SLC39A10: variants seen among roughly 807,000 people sequenced by gnomAD.
SLC39A10 encodes the protein zinc transporter ZIP10.
SLC39A10 carries 13 observed loss-of-function variants against 65.1 expected under a neutral mutation model. The observed-to-expected ratio is 0.20, with a 90% CI of 0.13 to 0.32. The LOEUF is 0.32. Among genes scored for constraint, SLC39A10 ranks in the 10% least tolerant of loss-of-function variants. SLC39A10 has a pLI of 1.00. For synonymous variants in SLC39A10, 321 were observed against 342.2 expected, an observed-to-expected ratio of 0.94 and a Z score of 0.68; for missense variants, 831 against 1,018.4, an observed-to-expected ratio of 0.82 and a Z score of 2.50.
At chr2:195,726,214 C>G (rs1181969976) in intron 8 of SLC39A10, among the ~76,000 whole-genome samples, 1 of 152,088 alleles carries the variant, frequency 6.6e-6, no homozygotes, top group Non-Finnish European at 1.5e-5. Flanking sequence ...GTATTTTGTA[C>G]CCATGACACC....
upstream of SLC39A10, among the ~76,000 whole-genome samples, chr2:195,656,101 T>C (rs1252009212): frequency 6.6e-6 from 1 of 152,172 alleles, no homozygotes. Context: ...CTGCGATTAC[T>C]GCTGTTCATG....
chr2:195,732,872 AG>A (rs1246794087), intron 9 of SLC39A10, among the ~76,000 whole-genome samples: 1 of 152,092 alleles, frequency 6.6e-6, no homozygotes, highest in Non-Finnish European at 1.5e-5. Flanking sequence ...GTAAATGAAT[AG>A]GCATGGCCAG....
At chr2:195,648,216 T>A (rs1688963643) in intron 2 of SLC39A10, among the ~76,000 whole-genome samples, 3 of 149,758 alleles carry the variant, frequency 2.0e-5, no homozygotes, top group Admixed American at 2.0e-4. Context: ...CAGACTGGTC[T>A]TGAACTCCTG....
chr2:195,655,634 C>T (rs1002553881), upstream of SLC39A10, among the ~76,000 whole-genome samples: 1 of 152,158 alleles, frequency 6.6e-6, no homozygotes, highest in Non-Finnish European at 1.5e-5. Flanking sequence ...AATCTGAGGA[C>T]CACAGCTATT....
At chr2:195,671,042 A>C (rs1467122389) in intron 1 of SLC39A10, among the ~76,000 whole-genome samples, 1 of 152,184 alleles carries the variant, frequency 6.6e-6, no homozygotes, top group Non-Finnish European at 1.5e-5. Flanking sequence ...AGGAAATAGG[A>C]CATTAATAGG....
intron 1 of SLC39A10, among the ~76,000 whole-genome samples, chr2:195,662,345 T>A (rs1398085591): frequency 6.6e-6 from 1 of 151,670 alleles, no homozygotes; most frequent in Non-Finnish European, 1.5e-5. Flanking sequence ...CAGGGCTCAC[T>A]GCAGCCCTGA....
intron 2 of SLC39A10, among the ~76,000 whole-genome samples, chr2:195,629,117 G>T (rs1053911526): frequency 6.6e-6 from 1 of 152,028 alleles, no homozygotes; most frequent in African/African-American, 2.4e-5. Flanking sequence ...TGCCGGGCAC[G>T]GTGGCTTACC....
At chr2:195,636,888 AT>A (rs1242648509) in intron 2 of SLC39A10, among the ~76,000 whole-genome samples, 5 of 152,202 alleles carry the variant, frequency 3.3e-5, no homozygotes, top group Non-Finnish European at 4.4e-5. Flanking sequence ...ATTAAAAAAA[AT>A]ATTTTTGAAG....
intron 2 of SLC39A10, among the ~76,000 whole-genome samples, chr2:195,625,751 G>C (rs1688460458): frequency 6.6e-6 from 1 of 152,194 alleles, no homozygotes; most frequent in Admixed American, 6.5e-5. Context: ...TTGCTCAGCG[G>C]ACACCAGCAA....
intron 2 of SLC39A10, among the ~76,000 whole-genome samples, chr2:195,614,947 A>C (rs2105679697): frequency 6.6e-6 from 1 of 152,164 alleles, no homozygotes; most frequent in African/African-American, 2.4e-5. Flanking sequence ...GCTACTCGAG[A>C]GGCTGAGGTG....
chr2:195,635,179 G>T (rs556728536), intron 2 of SLC39A10, among the ~76,000 whole-genome samples: 6 of 152,216 alleles, frequency 3.9e-5, no homozygotes, highest in Admixed American at 6.5e-5. Context: ...CTCTTGGGCA[G>T]GTTATTTCTA....
chr2:195,672,129 A>AT (rs575328187), intron 1 of SLC39A10, among the ~76,000 whole-genome samples: 57 of 149,748 alleles, frequency 3.8e-4, no homozygotes, highest in African/African-American at 1.1e-3. Context: ...CATCTAAATG[A>AT]TTTTTTTTTT....
At chr2:195,661,654 GT>G (rs1352214333) in intron 1 of SLC39A10, among the ~76,000 whole-genome samples, 37 of 152,164 alleles carry the variant, frequency 2.4e-4, no homozygotes, top group African/African-American at 8.4e-4. Context: ...GTCGAATACT[GT>G]TTTCCTATCA....
intron 2 of SLC39A10, among the ~76,000 whole-genome samples, chr2:195,624,367 A>G (rs1688415969): frequency 6.7e-6 from 1 of 149,668 alleles, no homozygotes; most frequent in Non-Finnish European, 1.5e-5. Flanking sequence ...AGCCTGGGCA[A>G]CAAGAGCAAA....
intron 3 of SLC39A10, among the ~76,000 whole-genome samples, chr2:195,705,440 G>A (rs954743637): frequency 6.6e-6 from 1 of 152,142 alleles, no homozygotes; most frequent in African/African-American, 2.4e-5. Context: ...TAACATTACT[G>A]GATATTGTGA....
At chr2:195,618,973 A>AT (rs1369205509) in intron 2 of SLC39A10, among the ~76,000 whole-genome samples, 1 of 151,788 alleles carries the variant, frequency 6.6e-6, no homozygotes, top group Non-Finnish European at 1.5e-5. Flanking sequence ...GGTGCCTGTA[A>AT]TCCCAGCTAC....
chr2:195,725,541 G>A (rs946270123), intron 8 of SLC39A10, among the ~76,000 whole-genome samples: 4 of 152,144 alleles, frequency 2.6e-5, no homozygotes, highest in Non-Finnish European at 5.9e-5. Flanking sequence ...CATTGCTGGT[G>A]GGGATGCAAT....
intron 9 of SLC39A10, among the ~76,000 whole-genome samples, chr2:195,730,942 T>TCGCCTAACCACCTG (rs1692414382): frequency 6.6e-6 from 1 of 152,166 alleles, no homozygotes; most frequent in South Asian, 2.1e-4. Flanking sequence ...GAGGCCTCTT[T>TCGCCTAACCACCTG]CGCCTAACCA....
chr2:195,733,978 C>G (rs1692506196), intron 9 of SLC39A10, among the ~76,000 whole-genome samples: 1 of 151,958 alleles, frequency 6.6e-6, no homozygotes, highest in Non-Finnish European at 1.5e-5. Flanking sequence ...AGGTTGTTTT[C>G]TGTGTCTGTT....
Sources: allele counts gnomAD v4.1 joint callset (sites outside exome capture counted in the v4.1 genomes callset), GRCh38; gene constraint gnomAD v4.1.1; transcripts MANE v1.5; gene names NCBI Gene and HGNC (gene_info 2026-07-23, HGNC 2026-07-21).